The following SMC5 variants were observed in gnomAD, a reference collection of about 807,000 sequenced individuals.
SMC5 encodes the protein structural maintenance of chromosomes 5.
SMC5 carries 88 observed loss-of-function variants against 148.3 expected under a neutral mutation model. The observed-to-expected ratio is 0.59, with a 90% CI of 0.50 to 0.71. The LOEUF is 0.71. Ranked by LOEUF, SMC5 falls within the 30% of genes least tolerant of loss-of-function variation. The pLI is 0.00. For missense variants in SMC5, 1,142 were observed against 1,298.9 expected, an observed-to-expected ratio of 0.88 and a Z score of 1.86; for synonymous variants, 421 against 432.8, an observed-to-expected ratio of 0.97 and a Z score of 0.34.
chr9:70,310,160 T>C (rs1428754390), intron 11 of SMC5, among the ~76,000 whole-genome samples: 2 of 152,240 alleles, frequency 1.3e-5, no homozygotes, highest in Non-Finnish European at 2.9e-5. Context: ...TGAATCTTTT[T>C]TAGAAGGCTT....
At chr9:70,338,020 T>C (rs964717438) in intron 17 of SMC5, among the ~76,000 whole-genome samples, 1 of 152,150 alleles carries the variant, frequency 6.6e-6, no homozygotes, top group Non-Finnish European at 1.5e-5. Context: ...TGCTGTTTTG[T>C]TTTGTTTCCT....
At chr9:70,289,312 A>G (rs2034994651) in intron 8 of SMC5, among the ~76,000 whole-genome samples, 2 of 152,208 alleles carry the variant, frequency 1.3e-5, no homozygotes, top group Admixed American at 1.3e-4. Context: ...TGCTAGAATT[A>G]CAAGTGTGAG....
chr9:70,307,422 AAG>A (rs2035534120), intron 11 of SMC5, among the ~76,000 whole-genome samples: 1 of 152,166 alleles, frequency 6.6e-6, no homozygotes, highest in Non-Finnish European at 1.5e-5. Flanking sequence ...ACCTATAAGA[AAG>A]AGCTTTTTCT....
chr9:70,313,660 G>A (rs892983703), intron 11 of SMC5, among the ~76,000 whole-genome samples: 10 of 151,998 alleles, frequency 6.6e-5, no homozygotes, highest in African/African-American at 2.4e-4. Flanking sequence ...ACCATACCCA[G>A]CTAATTTTTT....
At position 70,315,534 on chromosome 9, in the gene SMC5, GA is replaced by G. The variant is rs1381505901; in HGVS notation, c.1764del (p.Val589PhefsTer3). 2 of 1,595,662 alleles carry G rather than the reference GA, an allele frequency of 1.3e-6. No individual in the cohort carries two copies. The highest frequency in any genetic ancestry group is 1.7e-6 in the Non-Finnish European group (2 of 1,169,204). On this transcript the variant is annotated frameshift_variant, in exon 13 of 25. Coordinates refer to ENST00000361138, the MANE Select transcript of SMC5 (RefSeq NM_015110.4). LOFTEE classifies it high-confidence loss of function. ...SYLCCQYHIHEVPVGTEKTRE... is the reference protein window; with the variant it reads ...SYLCCQYHIHXVPVGTEKTRE... ...CCTTTGCTGTCAGTATCATATTCAT[GA>G]AGTTCCTGTAGGAACTGAAAAGACC...
In SMC5 at chr9:70,292,376, T is replaced by A. The variant is rs547526779; in HGVS notation, c.1054-5590T>A. The stretch of plus-strand genomic sequence containing the variant: ...ATTATGTAGTTTTAGCAACAAGTCC[T>A]CTGACTTAATTTCTTTTTTTTCTTC... On this transcript the variant is annotated intron_variant, in intron 8 of 24. Coordinates refer to ENST00000361138, the MANE Select transcript of SMC5 (RefSeq NM_015110.4). Among the ~76,000 whole-genome samples, 3 of 152,318 alleles carry A rather than the reference T, an allele frequency of 2.0e-5. No homozygotes were observed. The East Asian group carries it at 5.8e-4, about 29-fold the overall frequency.
At position 70,259,184 on chromosome 9, in the gene SMC5, G is replaced by A; in HGVS notation, c.106G>A (p.Ala36Thr). 6.2e-7 allele frequency: 1 copy of A among 1,609,804 alleles called. No individual in the cohort carries two copies. The highest frequency in any genetic ancestry group is 8.5e-7 in the Non-Finnish European group (1 of 1,178,142). Residue 36 changes from alanine (A) to threonine (T), a missense_variant, in exon 1 of 25, where the codon GCC becomes ACC. Physicochemically the swap from Ala to Thr is moderately conservative, Grantham distance 58. Around this residue, in one of 5 missense-constraint regions of SMC5, gnomAD observed 297 missense variants for 302.6 expected, o/e 0.98. Coordinates refer to ENST00000361138, the MANE Select transcript of SMC5 (RefSeq NM_015110.4). Reference protein sequence around the residue: ...SEVPSKRKNSAPQLPLLQSSG... With the variant: ...SEVPSKRKNSTPQLPLLQSSG... ...GGTCCCGAGCAAGAGGAAGAATTCGGCCCCGCAGCTGCCGCTGTTGCAGTC... is the reference window on the plus strand; with the variant it reads ...GGTCCCGAGCAAGAGGAAGAATTCGACCCCGCAGCTGCCGCTGTTGCAGTC...
At chr9:70,310,545 A>C (rs2035630068) in intron 11 of SMC5, among the ~76,000 whole-genome samples, 1 of 152,224 alleles carries the variant, frequency 6.6e-6, no homozygotes, top group Non-Finnish European at 1.5e-5. Context: ...CATAATTCTA[A>C]AGGGCCCTAG....
intron 8 of SMC5, among the ~76,000 whole-genome samples, chr9:70,289,722 CTTAAAATT>C (rs1587647432): frequency 1.3e-5 from 2 of 151,536 alleles, no homozygotes; most frequent in East Asian, 3.9e-4. Context: ...TAGTGATTAC[CTTAAAATT>C]TTAAGTGACA....
intron 17 of SMC5, among the ~76,000 whole-genome samples, chr9:70,325,220 G>C (rs1014416603): frequency 2.6e-5 from 4 of 152,152 alleles, no homozygotes; most frequent in African/African-American, 9.7e-5. Context: ...ACTCAGGAGT[G>C]ATCTAAGGGG....
chr9:70,276,150 TG>T (rs1273952018), intron 3 of SMC5, among the ~76,000 whole-genome samples: 1 of 152,218 alleles, frequency 6.6e-6, no homozygotes, highest in Non-Finnish European at 1.5e-5. Context: ...TCTCAGCTTG[TG>T]GTGGTAGCAG....
intron 1 of SMC5, among the ~76,000 whole-genome samples, chr9:70,261,857 A>G (rs931320361): frequency 1.3e-5 from 2 of 152,228 alleles, no homozygotes; most frequent in African/African-American, 4.8e-5. Context: ...AGGAAAAAGA[A>G]TGTTTCAAAA....
In SMC5 at chr9:70,290,226, GAAAT is replaced by G. The variant is rs1233678390; in HGVS notation, c.1053+3959_1053+3962del. ...CTTCCTCTGGCTTGCTAGGAAAGGA[GAAAT>G]AAAGAGTTCTCTTTTGACTAAAGTT... On this transcript the variant is annotated intron_variant, in intron 8 of 24. Transcript: ENST00000361138. Among the ~76,000 whole-genome samples, 6 of 152,270 alleles carry G rather than the reference GAAAT, an allele frequency of 3.9e-5. No homozygotes were observed. In the East Asian group the frequency reaches 1.2e-3, roughly 29 times the overall value.
chr9:70,302,221 T>C (rs1224420590), intron 10 of SMC5, among the ~76,000 whole-genome samples: 3 of 151,920 alleles, frequency 2.0e-5, no homozygotes, highest in Non-Finnish European at 2.9e-5. Context: ...AAAAAATAGG[T>C]TGGGCACGGT....
chr9:70,319,729 G>A (rs2035898580), intron 15 of SMC5, among the ~76,000 whole-genome samples: 2 of 152,230 alleles, frequency 1.3e-5, no homozygotes, highest in South Asian at 4.1e-4. Flanking sequence ...ACTTTAGATG[G>A]CGCTTTTACT....
At chr9:70,334,781 A>C (rs2036317101) in intron 17 of SMC5, among the ~76,000 whole-genome samples, 1 of 152,212 alleles carries the variant, frequency 6.6e-6, no homozygotes, top group Non-Finnish European at 1.5e-5. Context: ...CCCAGTGAAA[A>C]AATGGGCAAA....
chr9:70,334,439 C>T lies in SMC5; in HGVS notation c.2398-9705C>T, dbSNP rs186983857. ...CATCAAAATGAACAACTTTTGTTTTCGGTAGATGCCATTACAAAAAGGCAG... is the reference window on the plus strand; with the variant it reads ...CATCAAAATGAACAACTTTTGTTTTTGGTAGATGCCATTACAAAAAGGCAG... On this transcript the variant is annotated intron_variant, in intron 17 of 24. Transcript: ENST00000361138. 3.2e-3 allele frequency among the ~76,000 whole-genome samples: 484 copies of T among 152,214 alleles called. 1 individual carries two copies. The highest frequency in any genetic ancestry group is 5.6e-3 in the Non-Finnish European group (383 of 68,008).
chr9:70,303,393 C>T (rs1209156553), intron 10 of SMC5, among the ~76,000 whole-genome samples: 4 of 152,164 alleles, frequency 2.6e-5, no homozygotes, highest in African/African-American at 7.2e-5. Context: ...CATCCACATA[C>T]GTTTTCTTTT....
At chr9:70,338,505 G>A (rs890608164) in intron 17 of SMC5, among the ~76,000 whole-genome samples, 1 of 151,562 alleles carries the variant, frequency 6.6e-6, no homozygotes, top group African/African-American at 2.4e-5. Context: ...TATGAATTTT[G>A]CACTCGTTTA....
Sources: gnomAD v4.1 joint callset for allele counts (sites outside exome capture counted in the v4.1 genomes callset) on GRCh38, gnomAD v4.1.1 for gene constraint, gnomAD v4.1.1 regional missense constraint, MANE v1.5 for transcripts, NCBI Gene and HGNC (gene_info 2026-07-23, HGNC 2026-07-21) for gene names.